Variants in MS4A10 observed in about 807,000 individuals in gnomAD.
MS4A10 encodes membrane spanning 4-domains A10.
Under a neutral mutation model 27.7 loss-of-function variants are expected in MS4A10, and 27 were observed. The observed-to-expected ratio is 0.98, with a 90% confidence interval of 0.72 to 1.35. MS4A10 has a LOEUF of 1.35. MS4A10 is among the 40% of genes most tolerant of loss of function. The pLI is 0.00. For missense variants in MS4A10, 338 were observed against 324.7 expected (o/e 1.04, Z -0.32); for synonymous variants, 139 against 131.2 (o/e 1.06, Z -0.41).
intron 7 of MS4A10, among the ~76,000 whole-genome samples, 179 bp downstream of exon 7, chr11:60,798,693 A>G (rs1278231698): frequency 6.6e-6 from 1 of 152,186 alleles, no homozygotes; most frequent in African/African-American, 2.4e-5. Context: ...CTATCCCCTC[A>G]GGCACTAGAG....
At chr11:60,788,219 A>G (rs557577680) in intron 1 of MS4A10, among the ~76,000 whole-genome samples, 6 of 152,238 alleles carry the variant, frequency 3.9e-5, no homozygotes, top group Admixed American at 3.9e-4. Context: ...CTGCAGATAC[A>G]TCAGGACCAA....
In MS4A10 at chr11:60,793,798, T is replaced by C. The variant is rs533968137; in HGVS notation, c.361-174T>C. 5.1e-3 allele frequency among the ~76,000 whole-genome samples: 774 copies of C among 152,240 alleles called. 8 individuals are homozygous for C. The highest frequency in any genetic ancestry group is 0.02 in the South Asian group (95 of 4,820). ...AGTGGTCACACAGGAGCAGCTCAGC[T>C]CAATCCTGTGTGAGGGGCTGAGGGG... On this transcript the variant is annotated intron_variant, in intron 4 of 7. Coordinates refer to ENST00000308287, the MANE Select transcript of MS4A10 (RefSeq NM_206893.4).
Position 60,794,209 on chromosome 11 carries a change from G to A in MS4A10, c.492+106G>A, listed in dbSNP as rs559710051. 32 of 1,394,206 alleles carry A rather than the reference G, an allele frequency of 2.3e-5. No homozygotes were observed. The African/African-American group carries it at 4.5e-4, about 20-fold the overall frequency. The allele number at this position is 1,394,206 out of a possible 1,614,324, so 86.4% of individuals were successfully genotyped here. A position where few individuals can be genotyped will look rare whatever the true frequency, so the allele number is the denominator to read the frequency against. The stretch of plus-strand genomic sequence containing the variant: ...ACAGAAAGCCCCTCCTGGAGCCCAG[G>A]TGTGGGCTGCTGGGCCCTTTGCCAA... On this transcript the variant is annotated intron_variant, in intron 5 of 7. Coordinates refer to ENST00000308287, the MANE Select transcript of MS4A10 (RefSeq NM_206893.4).
At chr11:60,799,777 A>G (rs1483182424) in intron 7 of MS4A10, 51 bp from the exon 8 acceptor site, 12 of 843,404 alleles carry the variant, frequency 1.4e-5, no homozygotes, top group Admixed American at 1.4e-4. Flanking sequence ...TAATCCTCCC[A>G]TCGATCTGTG....
chr11:60,791,185 A>G, intron 3 of MS4A10, 92 bp downstream of exon 3: 1 of 1,541,526 alleles, frequency 6.5e-7, no homozygotes. Flanking sequence ...AGGGTGGGAT[A>G]GAGAGAGCTA....
rs780874703 is a variant in MS4A10, at chr11:60,791,054, G to A, written c.264G>A (p.Val88=). ...LASIVKNLHL[V]VLKSWYPFWG... is the part of the protein sequence containing the mutation. ...CTATAGTCAAGAACCTTCACCTGGT[G>A]GTGCTGAAGTCTTGGTATCCATTCT... The change falls in exon 3 of 8, where the codon GTG becomes GTA. Residue 88 remains valine, a synonymous_variant. Coordinates refer to ENST00000308287, the MANE Select transcript of MS4A10 (RefSeq NM_206893.4). 5.6e-6 allele frequency: 9 copies of A among 1,614,042 alleles called. No individual in the cohort carries two copies. The Admixed American group carries it at 1.2e-4, about 21-fold the overall frequency.
chr11:60,788,253 A>T (rs1854372540), intron 1 of MS4A10, among the ~76,000 whole-genome samples: 1 of 152,146 alleles, frequency 6.6e-6, no homozygotes, highest in Non-Finnish European at 1.5e-5. Context: ...ATACTTTGAG[A>T]AAGGTTATTC....
intron 1 of MS4A10, among the ~76,000 whole-genome samples, chr11:60,785,865 G>A (rs1000910858): frequency 2.6e-5 from 4 of 152,060 alleles, no homozygotes; most frequent in African/African-American, 7.2e-5. Flanking sequence ...GCCACGAGGG[G>A]GCAGGACTAG....
At chr11:60,790,226 C>G in intron 1 of MS4A10, 88 bp from the exon 2 acceptor site, 1 of 1,162,800 alleles carries the variant, frequency 8.6e-7, no homozygotes, top group Non-Finnish European at 1.2e-6. Flanking sequence ...GATCTGGTCC[C>G]TTAAACAGAG....
rs180937509 is a variant in MS4A10, at chr11:60,801,032, T to C, written c.*1123T>C. 2 of 152,264 alleles carry C rather than the reference T, an allele frequency of 1.3e-5. No individual in the cohort carries two copies. Among genetic ancestry groups the C allele is most frequent in the East Asian group, 3.9e-4 (2 of 5,180 alleles). 9.4% of individuals were successfully genotyped at this position (152,264 alleles called of 1,614,324 possible). On this transcript the variant is annotated 3_prime_UTR_variant, in exon 8 of 8. Coordinates refer to ENST00000308287, the MANE Select transcript of MS4A10 (RefSeq NM_206893.4). The stretch of plus-strand genomic sequence containing the variant: ...TGGTCTCAAACTTCTGACCTCATAA[T>C]CCACCCACCTTGGCCTCCCAAAGTG...
intron 7 of MS4A10, among the ~76,000 whole-genome samples, 165 bp downstream of exon 7, chr11:60,798,679 G>C (rs555210411): frequency 6.6e-6 from 1 of 152,314 alleles, no homozygotes; most frequent in East Asian, 1.9e-4. Flanking sequence ...AGGCAGCAAT[G>C]GTCCTATCCC....
chr11:60,798,660 TG>T, intron 7 of MS4A10, 146 bp downstream of exon 7: 1 of 636,802 alleles, frequency 1.6e-6, no homozygotes, highest in Non-Finnish European at 2.7e-6. Flanking sequence ...GGCCTGGGAG[TG>T]GTAGCCAAGG....
At position 60,793,971 on chromosome 11, in the gene MS4A10, G is replaced by A. The variant is rs770241037; in HGVS notation, c.361-1G>A. 19 of 1,613,812 alleles carry A rather than the reference G, an allele frequency of 1.2e-5. No homozygotes were observed. Among genetic ancestry groups the A allele is most frequent in the Non-Finnish European group, 1.5e-5 (18 of 1,180,012 alleles). ...CTGTTACCTTTATTTTTCACCTATAGAAGATGTTGTGCCTGATGACAAACC... is the reference window on the plus strand; with the variant it reads ...CTGTTACCTTTATTTTTCACCTATAAAAGATGTTGTGCCTGATGACAAACC... On this transcript the variant is annotated splice_acceptor_variant, in intron 4 of 7. Transcript: ENST00000308287. LOFTEE classifies it high-confidence loss of function.
In MS4A10 at chr11:60,792,260, T is replaced by C; in HGVS notation, c.304-5T>C. The C allele has an allele frequency of 1.2e-6, 2 of 1,613,334 alleles. No individual in the cohort carries two copies. The highest frequency in any genetic ancestry group is 1.7e-6 in the Non-Finnish European group (2 of 1,179,256). On this transcript the variant is annotated splice_polypyrimidine_tract_variant and splice_region_variant and intron_variant, in intron 3 of 7. Coordinates refer to ENST00000308287, the MANE Select transcript of MS4A10 (RefSeq NM_206893.4). ...TCTCCTTTGACTTTCAAATCTGTCC[T>C]GCAGTTTCTCATTTCAGGGATCTTG...
chr11:60,796,414 C>T (rs1214893355), intron 6 of MS4A10, among the ~76,000 whole-genome samples: 1 of 152,148 alleles, frequency 6.6e-6, no homozygotes, highest in Non-Finnish European at 1.5e-5. Flanking sequence ...TCCCAAGTAG[C>T]TGGGACTACA....
chr11:60,793,134 C>T (rs1411867863), intron 4 of MS4A10, among the ~76,000 whole-genome samples: 1 of 152,176 alleles, frequency 6.6e-6, no homozygotes, highest in Admixed American at 6.5e-5. Flanking sequence ...AGGTCCTTCC[C>T]TATTTGTGTC....
At chr11:60,787,027 G>A (rs1013964965) in intron 1 of MS4A10, among the ~76,000 whole-genome samples, 4 of 152,208 alleles carry the variant, frequency 2.6e-5, no homozygotes, top group Non-Finnish European at 5.9e-5. Context: ...TTTGCTGGGG[G>A]GTTCTGGAGG....
intron 2 of MS4A10, 56 bp from the exon 3 acceptor site, chr11:60,790,918 C>T: frequency 6.2e-7 from 1 of 1,605,352 alleles, no homozygotes; most frequent in Non-Finnish European, 8.5e-7. Flanking sequence ...CTAGTGGCCT[C>T]AATTAGAGCC....
rs190464954 is a variant in MS4A10 at position 60,796,861 on chromosome 11, T to C, written c.603+1196T>C. ...TAAAAGAAAAAAAATAAATAAAAAA[T>C]AAAGACCCTGACCAGAAGTGATCTC... On this transcript the variant is annotated intron_variant, in intron 6 of 7. Coordinates refer to ENST00000308287, the MANE Select transcript of MS4A10 (RefSeq NM_206893.4). 3.3e-5 allele frequency among the ~76,000 whole-genome samples: 5 copies of C among 151,916 alleles called. No individual in the cohort carries two copies. In the East Asian group the frequency reaches 9.7e-4, roughly 29 times the overall value.
Sources: gnomAD v4.1 joint callset for allele counts (sites outside exome capture counted in the v4.1 genomes callset) on GRCh38, gnomAD v4.1.1 for gene constraint, MANE v1.5 for transcripts, NCBI Gene and HGNC (gene_info 2026-07-23, HGNC 2026-07-21) for gene names.